The following HNF4A variants were observed in gnomAD, a reference collection of about 807,000 sequenced individuals.
HNF4A encodes the protein hepatocyte nuclear factor 4-alpha.
In HNF4A, 15 loss-of-function variants were observed where a neutral mutation model predicts 52.4. That is an observed-to-expected ratio of 0.29 (90% CI 0.19 to 0.44). The LOEUF (loss-of-function observed/expected upper bound fraction) is 0.44, where lower values mean the gene tolerates loss of function less well. Ranked by LOEUF, HNF4A falls within the 20% of genes least tolerant of loss-of-function variation. The pLI is 1.00. For missense variants in HNF4A, 479 were observed against 647.2 expected, an observed-to-expected ratio of 0.74 and a Z score of 2.82; for synonymous variants, 280 against 264.4, an observed-to-expected ratio of 1.06 and a Z score of -0.57.
chr20:44,361,381 C>T (rs984131697), intron 1 of HNF4A, among the ~76,000 whole-genome samples: 14 of 152,198 alleles, frequency 9.2e-5, no homozygotes, highest in African/African-American at 3.4e-4. Flanking sequence ...GTGCATCTTG[C>T]CTCAACCCAG....
At position 44,377,166 on chromosome 20, in the gene HNF4A, G is replaced by A. The variant is rs183685157; in HGVS notation, c.49+21313G>A. The stretch of plus-strand genomic sequence containing the variant: ...TGGATATGGCTGGAAACCATTATCC[G>A]AAGCAAACTAATGCAGAAACAGAAA... On this transcript the variant is annotated intron_variant, in intron 1 of 9. Transcript: ENST00000316673. Among the ~76,000 whole-genome samples, 42 of 152,272 alleles carry A rather than the reference G, an allele frequency of 2.8e-4. No homozygotes were observed. The South Asian group carries it at 5.6e-3, about 20-fold the overall frequency.
chr20:44,390,338 G>A (rs1256449523), intron 1 of HNF4A: 1 of 391,684 alleles, frequency 2.6e-6, no homozygotes, highest in Non-Finnish European at 4.6e-6. Flanking sequence ...AGAGACAACA[G>A]GAGGGCCAGA....
chr20:44,394,600 C>T (rs1223875150), intron 1 of HNF4A, among the ~76,000 whole-genome samples: 1 of 152,188 alleles, frequency 6.6e-6, no homozygotes, highest in African/African-American at 2.4e-5. Context: ...GGAAAGCTCT[C>T]CCCCAGCTGC....
intron 1 of HNF4A, among the ~76,000 whole-genome samples, chr20:44,358,854 A>G (rs2062888168): frequency 6.6e-6 from 1 of 152,106 alleles, no homozygotes; most frequent in Admixed American, 6.6e-5. Context: ...AGCACGCAAG[A>G]AATCCTCGTT....
upstream of HNF4A, among the ~76,000 whole-genome samples, chr20:44,396,853 C>T (rs1210170077): frequency 2.6e-5 from 4 of 152,196 alleles, no homozygotes; most frequent in African/African-American, 4.8e-5. Context: ...GGTACATTGG[C>T]ACTGCCTGGA....
chr20:44,364,270 G>A (rs1263909025), intron 1 of HNF4A, among the ~76,000 whole-genome samples: 1 of 151,908 alleles, frequency 6.6e-6, no homozygotes, highest in Non-Finnish European at 1.5e-5. Context: ...TCAAACTCCT[G>A]GGCTCAAGCA....
intron 1 of HNF4A, among the ~76,000 whole-genome samples, chr20:44,367,243 G>C (rs2146187378): frequency 1.3e-5 from 2 of 151,758 alleles, no homozygotes; most frequent in South Asian, 4.2e-4. Flanking sequence ...GCTGAGGCAG[G>C]AGAATCACTT....
At chr20:44,389,595 G>A (rs1360163011) in intron 1 of HNF4A, 1 of 152,228 alleles carries the variant, frequency 6.6e-6, no homozygotes, top group Non-Finnish European at 1.5e-5. Flanking sequence ...CACGCAGAAG[G>A]TGCTGAATAA....
upstream of HNF4A, among the ~76,000 whole-genome samples, chr20:44,396,892 G>T (rs896460782): frequency 1.3e-5 from 2 of 152,320 alleles, no homozygotes; most frequent in Admixed American, 1.3e-4. Context: ...TGACCCACAA[G>T]GTCTGTGGTT....
At chr20:44,414,407 C>G in intron 4 of HNF4A, 100 bp from the exon 5 acceptor site, 1 of 1,561,318 alleles carries the variant, frequency 6.4e-7, no homozygotes, top group Non-Finnish European at 8.8e-7. Flanking sequence ...ATCCAGCCCC[C>G]TCCCCACATC....
intron 1 of HNF4A, among the ~76,000 whole-genome samples, chr20:44,370,324 G>C (rs6031557): frequency 6.6e-6 from 1 of 152,250 alleles, no homozygotes; most frequent in South Asian, 2.1e-4. Context: ...ACAACGCCCA[G>C]CCACACTGGC....
chr20:44,368,824 GA>G (rs1474428139), intron 1 of HNF4A, among the ~76,000 whole-genome samples: 1 of 152,106 alleles, frequency 6.6e-6, no homozygotes, highest in Non-Finnish European at 1.5e-5. Context: ...TTAAAATATT[GA>G]TTTATCTCCA....
intron 7 of HNF4A, among the ~76,000 whole-genome samples, chr20:44,420,832 A>G (rs2063734595): frequency 6.6e-6 from 1 of 151,920 alleles, no homozygotes. Context: ...ATAATAATAA[A>G]TAAATAAATA....
At chr20:44,416,419 T>A (rs563330874) in intron 5 of HNF4A, among the ~76,000 whole-genome samples, 1 of 152,266 alleles carries the variant, frequency 6.6e-6, no homozygotes, top group Non-Finnish European at 1.5e-5. Context: ...CAGAGCAAGT[T>A]AGCGACAGAA....
Position 44,369,468 on chromosome 20 carries a change from T to C in HNF4A, c.49+13615T>C, listed in dbSNP as rs189089740. Among the ~76,000 whole-genome samples the C allele has an allele frequency of 7.9e-5, 12 of 151,780 alleles. No homozygotes were observed. In the East Asian group the frequency reaches 2.1e-3, roughly 27 times the overall value. On this transcript the variant is annotated intron_variant, in intron 1 of 9. Transcript: ENST00000316673. ...GGAAAATAAATAAATAAATGAAAATTTAAAAGGAAAAGAAAATATTTAAAC... is the reference window on the plus strand; with the variant it reads ...GGAAAATAAATAAATAAATGAAAATCTAAAAGGAAAAGAAAATATTTAAAC...
chr20:44,360,129 GC>G (rs2062901618), intron 1 of HNF4A, among the ~76,000 whole-genome samples: 1 of 152,162 alleles, frequency 6.6e-6, no homozygotes, highest in African/African-American at 2.4e-5. Flanking sequence ...CTTCCACAGG[GC>G]CTGATCCCAT....
intron 5 of HNF4A, among the ~76,000 whole-genome samples, chr20:44,415,061 A>G (rs2063644331): frequency 6.6e-6 from 1 of 152,212 alleles, no homozygotes; most frequent in African/African-American, 2.4e-5. Context: ...ACCCTAGGAC[A>G]GGGATCAGGA....
At chr20:44,405,907 G>C in intron 1 of HNF4A, 151 bp from the exon 2 acceptor site, 1 of 772,586 alleles carries the variant, frequency 1.3e-6, no homozygotes, top group Non-Finnish European at 2.3e-6. Flanking sequence ...GCTCCAAAAA[G>C]TCAGGAGGTC....
chr20:44,428,997 T>C (rs1241809811), intron 9 of HNF4A, among the ~76,000 whole-genome samples: 2 of 152,228 alleles, frequency 1.3e-5, no homozygotes, highest in Non-Finnish European at 2.9e-5. Context: ...ACTGACATTG[T>C]TCTCAGGGAA....
Sources: gnomAD v4.1 joint callset for allele counts (sites outside exome capture counted in the v4.1 genomes callset) on GRCh38, gnomAD v4.1.1 for gene constraint, MANE v1.5 for transcripts, NCBI Gene and HGNC (gene_info 2026-07-23, HGNC 2026-07-21) for gene names.